CCDC178: variants seen among roughly 807,000 people sequenced by gnomAD.
CCDC178 encodes coiled-coil domain containing 178.
Under a neutral mutation model 117.4 loss-of-function variants are expected in CCDC178, and 126 were observed. The observed-to-expected ratio is 1.07, with a 90% confidence interval of 0.93 to 1.24. The LOEUF is 1.24. Among genes scored for constraint, CCDC178 ranks in the 50% most tolerant of loss-of-function variants. The pLI is 0.00. For missense variants in CCDC178, 1,030 were observed against 986.9 expected, an observed-to-expected ratio of 1.04 and a Z score of -0.59; for synonymous variants, 283 against 313.4, an observed-to-expected ratio of 0.90 and a Z score of 1.02.
At chr18:33,233,767 GAGAAACCTAGACTA>G (rs1164206605) in intron 15 of CCDC178, among the ~76,000 whole-genome samples, 1 of 152,016 alleles carries the variant, frequency 6.6e-6, no homozygotes. Flanking sequence ...TTTAAGAGAT[GAGAAACCTAGACTA>G]AGAAAAGTTA....
At chr18:33,161,460 C>T (rs912531786) in intron 20 of CCDC178, among the ~76,000 whole-genome samples, 23 of 152,166 alleles carry the variant, frequency 1.5e-4, no homozygotes, top group Non-Finnish European at 2.5e-4. Context: ...CTTTTTCTTA[C>T]GAGGCTAACA....
In CCDC178 at chr18:33,293,315, A is replaced by T; in HGVS notation, c.1023-3T>A. The T allele has an allele frequency of 1.4e-6, 2 of 1,465,230 alleles. No homozygotes were observed. The highest frequency in any genetic ancestry group is 1.9e-6 in the Non-Finnish European group (2 of 1,063,566). The allele number at this position is 1,465,230 out of a possible 1,614,324, so 90.8% of individuals were successfully genotyped here. On this transcript the variant is annotated splice_polypyrimidine_tract_variant and splice_region_variant and intron_variant, in intron 11 of 22. Transcript: ENST00000383096. Reference sequence around the variant, plus strand: ...TGTTAAGTTGATATATCTCTCTCCTAGGGATAAAAACACAGTTTATTTTAT... The same window carrying T: ...TGTTAAGTTGATATATCTCTCTCCTTGGGATAAAAACACAGTTTATTTTAT...
At chr18:33,224,274 C>G (rs1347059824) in intron 17 of CCDC178, among the ~76,000 whole-genome samples, 1 of 152,054 alleles carries the variant, frequency 6.6e-6, no homozygotes, top group Non-Finnish European at 1.5e-5. Flanking sequence ...ACATGTTTTT[C>G]GACTAAATTT....
chr18:33,371,334 T>C (rs2063296438), intron 5 of CCDC178, among the ~76,000 whole-genome samples: 1 of 151,944 alleles, frequency 6.6e-6, no homozygotes, highest in Admixed American at 6.6e-5. Context: ...GCACTAAAAA[T>C]ATGTGCCAGA....
At chr18:33,273,506 A>G (rs2059911914) in intron 12 of CCDC178, among the ~76,000 whole-genome samples, 1 of 151,688 alleles carries the variant, frequency 6.6e-6, no homozygotes, top group South Asian at 2.1e-4. Flanking sequence ...TAGTACTGGC[A>G]TAAGGAAAGA....
At chr18:33,372,778 C>T (rs2063317275) in intron 5 of CCDC178, among the ~76,000 whole-genome samples, 1 of 152,146 alleles carries the variant, frequency 6.6e-6, no homozygotes, top group Admixed American at 6.6e-5. Flanking sequence ...ACTCTTACTG[C>T]TCAATGAATT....
At chr18:33,134,085 A>G (rs1380613519) in intron 20 of CCDC178, among the ~76,000 whole-genome samples, 1 of 151,964 alleles carries the variant, frequency 6.6e-6, no homozygotes, top group Non-Finnish European at 1.5e-5. Flanking sequence ...CATGTACAAA[A>G]TGCTAGAAAC....
chr18:33,101,062 G>A (rs1044828789), intron 20 of CCDC178, among the ~76,000 whole-genome samples: 25 of 151,588 alleles, frequency 1.6e-4, no homozygotes, highest in Non-Finnish European at 4.4e-5. Flanking sequence ...GTAAGTGACA[G>A]GCACAGTAAT....
chr18:33,226,262 T>G (rs1475571572), intron 16 of CCDC178, among the ~76,000 whole-genome samples: 1 of 152,210 alleles, frequency 6.6e-6, no homozygotes, highest in Non-Finnish European at 1.5e-5. Flanking sequence ...AATATGTAAG[T>G]ATTTCTAAAG....
chr18:33,183,143 CA>C (rs1202856768), intron 20 of CCDC178, among the ~76,000 whole-genome samples: 1 of 151,880 alleles, frequency 6.6e-6, no homozygotes, highest in Non-Finnish European at 1.5e-5. Flanking sequence ...AATATTGTTT[CA>C]GGGGCTCTTT....
At position 33,391,780 on chromosome 18, in the gene CCDC178, T is replaced by C. The variant is rs534763743; in HGVS notation, c.119-2151A>G. On this transcript the variant is annotated intron_variant, in intron 4 of 22. Coordinates refer to ENST00000383096, the MANE Select transcript of CCDC178 (RefSeq NM_001105528.4). ...CATTCAGAACTTAAATGTTTAATTGTAAATAAATACCATTTAAAATACTGG... is the reference window on the plus strand; with the variant it reads ...CATTCAGAACTTAAATGTTTAATTGCAAATAAATACCATTTAAAATACTGG... Among the ~76,000 whole-genome samples, 8 of 152,194 alleles carry C rather than the reference T, an allele frequency of 5.3e-5. No homozygotes were observed. In the East Asian group the frequency reaches 1.5e-3, roughly 29 times the overall value.
intron 21 of CCDC178, 41 bp downstream of exon 21, chr18:33,092,720 G>T: frequency 9.1e-6 from 13 of 1,425,500 alleles, no homozygotes; most frequent in Non-Finnish European, 1.3e-5. Context: ...GTGCATATAT[G>T]ACATAAATCA....
At chr18:33,002,800 A>G (rs1201001155) in intron 21 of CCDC178, among the ~76,000 whole-genome samples, 1 of 152,146 alleles carries the variant, frequency 6.6e-6, no homozygotes, top group East Asian at 1.9e-4. Flanking sequence ...GAGAAAAAAA[A>G]GAGAGAAGAT....
intron 2 of CCDC178, 57 bp downstream of exon 2, chr18:33,439,905 T>C (rs1176558562): frequency 1.3e-5 from 2 of 152,240 alleles, no homozygotes; most frequent in Non-Finnish European, 1.5e-5. Flanking sequence ...AGTTTGAAGA[T>C]TGCTGGATCT....
chr18:33,283,002 G>A (rs564452649), intron 12 of CCDC178, among the ~76,000 whole-genome samples: 1 of 152,206 alleles, frequency 6.6e-6, no homozygotes, highest in South Asian at 2.1e-4. Flanking sequence ...TCTCCAGCAG[G>A]GGCCTCCTTC....
At chr18:33,078,350 C>A (rs1290349265) in intron 21 of CCDC178, among the ~76,000 whole-genome samples, 2 of 152,170 alleles carry the variant, frequency 1.3e-5, no homozygotes, top group African/African-American at 4.8e-5. Flanking sequence ...AAGCTGGAAC[C>A]ATTCCCATTG....
At chr18:33,167,244 C>A (rs559758218) in intron 20 of CCDC178, among the ~76,000 whole-genome samples, 1 of 152,068 alleles carries the variant, frequency 6.6e-6, no homozygotes, top group Non-Finnish European at 1.5e-5. Flanking sequence ...TGAACATATG[C>A]ATGCATGTGT....
intron 20 of CCDC178, among the ~76,000 whole-genome samples, chr18:33,186,243 G>A (rs2058792731): frequency 6.6e-6 from 1 of 151,958 alleles, no homozygotes; most frequent in Non-Finnish European, 1.5e-5. Context: ...AAATTATTCT[G>A]ATTTTCAATC....
intron 21 of CCDC178, among the ~76,000 whole-genome samples, chr18:33,017,099 A>C (rs1286496794): frequency 6.6e-6 from 1 of 151,948 alleles, no homozygotes; most frequent in Non-Finnish European, 1.5e-5. Flanking sequence ...TCAGTTTTAC[A>C]TGGAGAAATT....
Sources: allele counts gnomAD v4.1 joint callset (sites outside exome capture counted in the v4.1 genomes callset), GRCh38; gene constraint gnomAD v4.1.1; transcripts MANE v1.5; gene names NCBI Gene and HGNC (gene_info 2026-07-23, HGNC 2026-07-21).